CEP89: variants seen among roughly 807,000 people sequenced by gnomAD.
The protein encoded by CEP89 is centrosomal protein of 89 kDa.
A neutral mutation model predicts 97.6 loss-of-function variants in CEP89; 95 were observed. That is an observed-to-expected ratio of 0.97 (90% confidence interval 0.82 to 1.15). The LOEUF is 1.15. Among genes scored for constraint, CEP89 ranks in the 50% most tolerant of loss-of-function variants. The pLI, the probability that CEP89 is intolerant of heterozygous loss-of-function variation, is 0.00. For synonymous variants in CEP89, 354 were observed against 349.1 expected, an observed-to-expected ratio of 1.01 and a Z score of -0.16; for missense variants, 869 against 947.7, an observed-to-expected ratio of 0.92 and a Z score of 1.09.
chr19:32,941,994 G>A (rs1258454673), intron 5 of CEP89, among the ~76,000 whole-genome samples: 2 of 152,176 alleles, frequency 1.3e-5, no homozygotes, highest in South Asian at 2.1e-4. Context: ...AGATCTGACT[G>A]CTTTCATATT....
intron 9 of CEP89, 87 bp downstream of exon 9, chr19:32,931,342 A>T: frequency 8.2e-7 from 1 of 1,218,994 alleles, no homozygotes; most frequent in Non-Finnish European, 1.1e-6. Context: ...AAATTATAAT[A>T]AATAAGAACC....
At chr19:32,892,307 T>C (rs1043942874) in intron 16 of CEP89, among the ~76,000 whole-genome samples, 3 of 100,256 alleles carry the variant, frequency 3.0e-5, no homozygotes, top group African/African-American at 1.5e-4. Context: ...TTCTTTTTCC[T>C]TTTTTTTTCT....
intron 5 of CEP89, among the ~76,000 whole-genome samples, chr19:32,941,102 A>G (rs1461726919): frequency 1.3e-5 from 2 of 152,166 alleles, no homozygotes; most frequent in African/African-American, 4.8e-5. Context: ...TGCAGAGCAG[A>G]AATAACCAGC....
At chr19:32,956,803 AG>A (rs1309978362) in intron 3 of CEP89, among the ~76,000 whole-genome samples, 2 of 152,238 alleles carry the variant, frequency 1.3e-5, no homozygotes, top group African/African-American at 4.8e-5. Flanking sequence ...GCGATTAAAA[AG>A]GTTTTTTTAC....
intron 16 of CEP89, among the ~76,000 whole-genome samples, chr19:32,889,090 G>A (rs1428009926): frequency 2.6e-5 from 4 of 152,132 alleles, no homozygotes; most frequent in Non-Finnish European, 5.9e-5. Context: ...GGGCTCTCAC[G>A]AGCTCCTGGA....
chr19:32,949,088 GA>G (rs1398433510), intron 4 of CEP89, among the ~76,000 whole-genome samples: 1 of 152,156 alleles, frequency 6.6e-6, no homozygotes. Flanking sequence ...GACTCTCATT[GA>G]AGCCTCCTAT....
At chr19:32,902,010 CTGTGTGTGTGTGTG>C (rs929591410) in intron 14 of CEP89, among the ~76,000 whole-genome samples, 5 of 133,730 alleles carry the variant, frequency 3.7e-5, no homozygotes, top group Admixed American at 3.0e-4. Context: ...CTCTCTCTCT[CTGTGTGTGTGTGTG>C]TGTGTGTGTG....
At chr19:32,888,481 T>C (rs1969445544) in intron 16 of CEP89, among the ~76,000 whole-genome samples, 1 of 152,018 alleles carries the variant, frequency 6.6e-6, no homozygotes, top group Non-Finnish European at 1.5e-5. Context: ...CACAGAGAAA[T>C]TGCTCCAGGT....
intron 6 of CEP89, among the ~76,000 whole-genome samples, chr19:32,938,897 C>G (rs1201288889): frequency 1.3e-5 from 2 of 152,104 alleles, no homozygotes; most frequent in Admixed American, 1.3e-4. Context: ...TTGCAGTGAG[C>G]CGAGACTGCG....
At chr19:32,901,745 A>G (rs1329037827) in intron 14 of CEP89, among the ~76,000 whole-genome samples, 1 of 152,126 alleles carries the variant, frequency 6.6e-6, no homozygotes. Flanking sequence ...CTCCTACCTC[A>G]GCCTCCCAAG....
At chr19:32,889,127 C>G (rs1242888788) in intron 16 of CEP89, among the ~76,000 whole-genome samples, 1 of 152,154 alleles carries the variant, frequency 6.6e-6, no homozygotes, top group Non-Finnish European at 1.5e-5. Context: ...GGCAGGAGTA[C>G]GTGGCTCAGT....
intron 16 of CEP89, among the ~76,000 whole-genome samples, chr19:32,892,393 T>C (rs529234799): frequency 4.0e-4 from 61 of 151,534 alleles, no homozygotes; most frequent in Admixed American, 1.4e-3. Flanking sequence ...AGCCTCTGCC[T>C]CCTGGGTTCA....
chr19:32,880,342 CAG>C (rs143259060), intron 18 of CEP89, among the ~76,000 whole-genome samples: 7,376 of 152,296 alleles, frequency 0.048, 236 homozygotes, highest in South Asian at 0.15. Flanking sequence ...CCCACTTGGC[CAG>C]AGTCACTTTT....
rs1242859505 is a variant in CEP89 at position 32,945,508 on chromosome 19, T to A, written c.595+2758A>T. On this transcript the variant is annotated intron_variant, in intron 5 of 18. Coordinates refer to ENST00000305768, the MANE Select transcript of CEP89 (RefSeq NM_032816.5). Reference sequence around the variant, plus strand: ...ACGGCCTCTCATCTCCAAATCCACCTTCATGGCCAGCTCATGTTACTGCAG... The same window carrying A: ...ACGGCCTCTCATCTCCAAATCCACCATCATGGCCAGCTCATGTTACTGCAG... 7.2e-5 allele frequency among the ~76,000 whole-genome samples: 11 copies of A among 152,236 alleles called. No homozygotes were observed. The East Asian group carries it at 2.1e-3, about 29-fold the overall frequency.
intron 7 of CEP89, among the ~76,000 whole-genome samples, chr19:32,934,787 C>T (rs1970546817): frequency 6.6e-6 from 1 of 152,030 alleles, no homozygotes; most frequent in Non-Finnish European, 1.5e-5. Context: ...ACACCTTGCC[C>T]TGGTAGGAGT....
intron 11 of CEP89, among the ~76,000 whole-genome samples, chr19:32,925,320 C>T (rs148152164): frequency 6.6e-6 from 1 of 152,256 alleles, no homozygotes; most frequent in Admixed American, 6.5e-5. Context: ...GTCATTCCCA[C>T]AAAACGGCGG....
chr19:32,901,475 A>T lies in CEP89; in HGVS notation c.1566-63T>A, dbSNP rs1023809919. 5.2e-6 allele frequency: 8 copies of T among 1,532,978 alleles called. No homozygotes were observed. The South Asian group carries it at 6.1e-5, about 12-fold the overall frequency. The allele number at this position is 1,532,978 out of a possible 1,614,324, so 95.0% of individuals were successfully genotyped here. A position where few individuals can be genotyped will look rare whatever the true frequency, so the allele number is the denominator to read the frequency against. On this transcript the variant is annotated intron_variant, in intron 14 of 18. Transcript: ENST00000305768. Reference sequence around the variant, plus strand: ...AATGAAGCTAAAATGGGGCAGTCACATAACGAGGAAGATGAGTGATAACAG... The same window carrying T: ...AATGAAGCTAAAATGGGGCAGTCACTTAACGAGGAAGATGAGTGATAACAG...
At chr19:32,939,397 C>T (rs1220608080) in intron 6 of CEP89, among the ~76,000 whole-genome samples, 1 of 152,046 alleles carries the variant, frequency 6.6e-6, no homozygotes, top group Admixed American at 6.6e-5. Flanking sequence ...GTATTTAAGG[C>T]CAGGCACAGT....
intron 16 of CEP89, 30 bp from the exon 17 acceptor site, chr19:32,887,871 A>G (rs1471063047): frequency 8.1e-7 from 1 of 1,237,444 alleles, no homozygotes; most frequent in Non-Finnish European, 1.2e-6. Context: ...ATGGGCTCTC[A>G]GTTTTACAGA....
Sources: gnomAD v4.1 joint callset for allele counts (sites outside exome capture counted in the v4.1 genomes callset) on GRCh38, gnomAD v4.1.1 for gene constraint, MANE v1.5 for transcripts, NCBI Gene and HGNC (gene_info 2026-07-23, HGNC 2026-07-21) for gene names.